CA10: variants seen among roughly 807,000 people sequenced by gnomAD.
The protein encoded by CA10 is carbonic anhydrase-related protein 10.
CA10 carries 14 observed loss-of-function variants against 44.2 expected under a neutral mutation model. The observed-to-expected ratio is 0.32, with a 90% confidence interval of 0.21 to 0.50. The LOEUF (loss-of-function observed/expected upper bound fraction) is 0.50. CA10 is among the 20% of genes least tolerant of loss of function. The pLI is 0.99. For synonymous variants in CA10, 159 were observed against 141.6 expected, an observed-to-expected ratio of 1.12 and a Z score of -0.87; for missense variants, 350 against 409.7, an observed-to-expected ratio of 0.85 and a Z score of 1.26.
chr17:52,126,032 T>C (rs1413229130), intron 1 of CA10, among the ~76,000 whole-genome samples: 1 of 152,144 alleles, frequency 6.6e-6, no homozygotes, highest in African/African-American at 2.4e-5. Flanking sequence ...GCAAAGCCCC[T>C]GCCCTCAAAA....
At chr17:52,034,350 A>G (rs1884349269) in intron 2 of CA10, among the ~76,000 whole-genome samples, 1 of 152,156 alleles carries the variant, frequency 6.6e-6, no homozygotes, top group Non-Finnish European at 1.5e-5. Flanking sequence ...GCCTATGTCA[A>G]TTATATCTCA....
chr17:52,062,332 A>G (rs528889235), intron 2 of CA10, among the ~76,000 whole-genome samples: 243 of 152,270 alleles, frequency 1.6e-3, no homozygotes, highest in Non-Finnish European at 2.7e-3. Context: ...ATATAAAAAC[A>G]TGAAAAATTT....
chr17:52,085,081 T>C (rs936335794), intron 1 of CA10, among the ~76,000 whole-genome samples: 1 of 152,162 alleles, frequency 6.6e-6, no homozygotes, highest in Non-Finnish European at 1.5e-5. Context: ...TAAATAAATC[T>C]CCATCTTATT....
At chr17:51,728,509 G>T (rs1159528511) in intron 4 of CA10, among the ~76,000 whole-genome samples, 1 of 152,050 alleles carries the variant, frequency 6.6e-6, no homozygotes, top group African/African-American at 2.4e-5. Context: ...CACTTTTGAC[G>T]GGTACTTATC....
intron 1 of CA10, among the ~76,000 whole-genome samples, chr17:52,116,444 G>A (rs1349440361): frequency 2.0e-5 from 3 of 152,128 alleles, no homozygotes; most frequent in African/African-American, 7.2e-5. Flanking sequence ...CTGACAGCAG[G>A]CGGGACATGG....
At chr17:51,992,440 A>G (rs935143759) in intron 2 of CA10, among the ~76,000 whole-genome samples, 6 of 152,108 alleles carry the variant, frequency 3.9e-5, no homozygotes, top group African/African-American at 1.4e-4. Flanking sequence ...CTATATGCCT[A>G]TAGCTTAGCC....
chr17:51,816,160 G>A (rs570972726), intron 3 of CA10, among the ~76,000 whole-genome samples: 2 of 152,232 alleles, frequency 1.3e-5, no homozygotes, highest in South Asian at 2.1e-4. Flanking sequence ...AAATAAGTGA[G>A]GACATGCAAT....
intron 2 of CA10, among the ~76,000 whole-genome samples, chr17:52,048,175 G>A (rs1986966441): frequency 6.6e-6 from 1 of 151,918 alleles, no homozygotes; most frequent in African/African-American, 2.4e-5. Flanking sequence ...CTTAACTTTG[G>A]AGTCAGTCAC....
At chr17:51,671,669 G>T (rs948407814) in intron 4 of CA10, among the ~76,000 whole-genome samples, 10 of 152,242 alleles carry the variant, frequency 6.6e-5, no homozygotes, top group African/African-American at 2.2e-4. Context: ...CTCCAAAAGT[G>T]CTGGGATTAC....
chr17:51,893,800 A>G (rs191564513), intron 3 of CA10, among the ~76,000 whole-genome samples: 29 of 152,322 alleles, frequency 1.9e-4, no homozygotes, highest in African/African-American at 6.3e-4. Context: ...TTATTCAGAC[A>G]AAATCAGAGA....
chr17:51,813,561 T>C (rs1258942199), intron 3 of CA10, among the ~76,000 whole-genome samples: 2 of 152,196 alleles, frequency 1.3e-5, no homozygotes, highest in African/African-American at 4.8e-5. Context: ...TTATTTTCCA[T>C]GGTTGTTTGC....
chr17:51,800,466 A>G (rs897161993), intron 3 of CA10, among the ~76,000 whole-genome samples: 1 of 152,188 alleles, frequency 6.6e-6, no homozygotes, highest in African/African-American at 2.4e-5. Context: ...TAAATTATAC[A>G]CCTGAAATGG....
intron 3 of CA10, among the ~76,000 whole-genome samples, chr17:51,861,273 T>A (rs1979291746): frequency 6.6e-6 from 1 of 152,146 alleles, no homozygotes; most frequent in Non-Finnish European, 1.5e-5. Flanking sequence ...CAGCAGTTCC[T>A]CCCTCTAACA....
At chr17:51,792,574 A>T (rs1300696532) in intron 3 of CA10, among the ~76,000 whole-genome samples, 1 of 152,248 alleles carries the variant, frequency 6.6e-6, no homozygotes, top group African/African-American at 2.4e-5. Flanking sequence ...GTGCAAAACA[A>T]TCATCCTAGC....
At position 51,839,334 on chromosome 17, in the gene CA10, T is replaced by C. The variant is rs1325992491; in HGVS notation, c.280-91516A>G. Among the ~76,000 whole-genome samples the C allele has an allele frequency of 4.6e-5, 7 of 151,316 alleles. No homozygotes were observed. The East Asian group carries it at 1.4e-3, about 29-fold the overall frequency. On this transcript the variant is annotated intron_variant, in intron 3 of 8. Coordinates refer to ENST00000451037, the MANE Select transcript of CA10 (RefSeq NM_020178.5). ...GGTGAAACCCCGTCTCTACTTAAAA[T>C]ACAAAAAAATTAGCCGGGCGTGGTG...
At chr17:52,023,101 A>G (rs1019436256) in intron 2 of CA10, among the ~76,000 whole-genome samples, 4 of 152,178 alleles carry the variant, frequency 2.6e-5, no homozygotes, top group African/African-American at 9.6e-5. Context: ...AGAATTGGAA[A>G]TATCAATCCT....
intron 4 of CA10, among the ~76,000 whole-genome samples, chr17:51,658,253 C>CA (rs1480634521): frequency 6.6e-6 from 1 of 152,086 alleles, no homozygotes; most frequent in Non-Finnish European, 1.5e-5. Context: ...TTCATTTGTT[C>CA]AAAAAATCTT....
chr17:51,802,203 G>A (rs988340305), intron 3 of CA10, among the ~76,000 whole-genome samples: 3 of 152,138 alleles, frequency 2.0e-5, no homozygotes, highest in African/African-American at 7.2e-5. Flanking sequence ...GTTACACTAT[G>A]TCTCATTAAT....
intron 1 of CA10, among the ~76,000 whole-genome samples, chr17:52,100,503 A>G (rs1988513146): frequency 6.6e-6 from 1 of 152,222 alleles, no homozygotes; most frequent in Admixed American, 6.5e-5. Context: ...AAACAAAAAC[A>G]AAAGCAAAAC....
Sources: allele counts gnomAD v4.1 joint callset (sites outside exome capture counted in the v4.1 genomes callset), GRCh38; gene constraint gnomAD v4.1.1; transcripts MANE v1.5; gene names NCBI Gene and HGNC (gene_info 2026-07-23, HGNC 2026-07-21).